MAGI1: variants seen among roughly 807,000 people sequenced by gnomAD.
MAGI1 encodes membrane-associated guanylate kinase, WW and PDZ domain-containing protein 1.
A neutral mutation model predicts 139.9 loss-of-function variants in MAGI1; 58 were observed. The observed-to-expected ratio is 0.41, with a 90% CI of 0.34 to 0.52. MAGI1 has a LOEUF of 0.52. MAGI1 is among the 20% of genes least tolerant of loss of function. The probability of loss-of-function intolerance (pLI) is 0.12; values close to 1 mark genes in which losing one functional copy is unlikely to be tolerated. For missense variants in MAGI1, 1,874 were observed against 1,901.6 expected, an observed-to-expected ratio of 0.99 and a Z score of 0.27; for synonymous variants, 812 against 737.9, an observed-to-expected ratio of 1.10 and a Z score of -1.63.
intron 2 of MAGI1, among the ~76,000 whole-genome samples, chr3:65,558,703 C>A (rs893636032): frequency 2.6e-5 from 4 of 151,934 alleles, no homozygotes; most frequent in African/African-American, 4.8e-5. Flanking sequence ...ACAAAAAAAA[C>A]CCTGCAGATT....
chr3:65,400,881 G>A (rs1944830829), intron 13 of MAGI1, among the ~76,000 whole-genome samples: 1 of 149,740 alleles, frequency 6.7e-6, no homozygotes, highest in Non-Finnish European at 1.5e-5. Context: ...TCTCAGTGCT[G>A]GGGCAGTGAA....
rs187776931 is a variant in MAGI1, at chr3:66,020,642, T to C, written c.313+17354A>G. 5.0e-3 allele frequency among the ~76,000 whole-genome samples: 760 copies of C among 152,308 alleles called. 7 individuals carry two copies. Among genetic ancestry groups the C allele is most frequent in the South Asian group, 0.014 (66 of 4,816 alleles). ...TCCATCCTTCTGAAATTCTAAGTTA[T>C]ATGCATCAGTTCATCTCCTTTGCTA... On this transcript the variant is annotated intron_variant, in intron 1 of 22. Coordinates refer to ENST00000402939, the MANE Select transcript of MAGI1 (RefSeq NM_001033057.2).
chr3:65,894,594 G>A (rs1220899309), intron 1 of MAGI1, among the ~76,000 whole-genome samples: 5 of 152,214 alleles, frequency 3.3e-5, no homozygotes. Flanking sequence ...GAGGATTCGT[G>A]TAAGAAAAGA....
intron 1 of MAGI1, among the ~76,000 whole-genome samples, chr3:65,722,149 A>T (rs534707420): frequency 2.0e-5 from 3 of 152,170 alleles, no homozygotes; most frequent in Non-Finnish European, 2.9e-5. Context: ...TTCGTGCAGC[A>T]GTCTTGAGAG....
At chr3:65,964,204 A>G (rs1424688341) in intron 1 of MAGI1, among the ~76,000 whole-genome samples, 1 of 152,128 alleles carries the variant, frequency 6.6e-6, no homozygotes, top group East Asian at 1.9e-4. Flanking sequence ...CTCTGCCCCC[A>G]GTAATTACCT....
rs142395802 is a variant in MAGI1, at chr3:65,541,341, T to C, written c.431-47710A>G. ...ATTCACAGCCAAATTCTAACAGAGG[T>C]ACAAAGAAGAGCTGATACCATTGCT... On this transcript the variant is annotated intron_variant, in intron 2 of 22. Transcript: ENST00000402939. 1.3e-3 allele frequency among the ~76,000 whole-genome samples: 193 copies of C among 151,978 alleles called. 1 individual carries two copies. The highest frequency in any genetic ancestry group is 4.6e-3 in the African/African-American group (189 of 41,426).
intron 12 of MAGI1, among the ~76,000 whole-genome samples, chr3:65,413,925 A>G (rs1342040100): frequency 1.3e-5 from 2 of 152,240 alleles, no homozygotes; most frequent in Admixed American, 6.5e-5. Flanking sequence ...GTAACAAAGC[A>G]TTGCATTTAT....
chr3:65,680,477 T>C (rs1021259089), intron 1 of MAGI1, among the ~76,000 whole-genome samples: 2 of 152,160 alleles, frequency 1.3e-5, no homozygotes, highest in Non-Finnish European at 2.9e-5. Flanking sequence ...GGAGCAGTGG[T>C]GCATCACAGC....
At chr3:65,511,579 G>C (rs2077594999) in intron 2 of MAGI1, among the ~76,000 whole-genome samples, 1 of 98,432 alleles carries the variant, frequency 1.0e-5, no homozygotes, top group Admixed American at 1.2e-4. Context: ...TAATGGTAAA[G>C]GGATCAATTC....
At chr3:65,467,734 A>T (rs1175560953) in intron 5 of MAGI1, among the ~76,000 whole-genome samples, 1 of 152,224 alleles carries the variant, frequency 6.6e-6, no homozygotes, top group Non-Finnish European at 1.5e-5. Context: ...AATTACTGGT[A>T]CATTCTTTTC....
chr3:66,022,504 C>G (rs142229658), intron 1 of MAGI1, among the ~76,000 whole-genome samples: 88 of 152,204 alleles, frequency 5.8e-4, no homozygotes, highest in Admixed American at 4.6e-3. Flanking sequence ...ATAAATGTGG[C>G]TCATAGATTC....
intron 2 of MAGI1, among the ~76,000 whole-genome samples, chr3:65,556,598 T>A (rs1162991230): frequency 2.0e-5 from 3 of 152,216 alleles, no homozygotes; most frequent in African/African-American, 7.2e-5. Flanking sequence ...ATTTTCCTCC[T>A]AAATATATTT....
intron 14 of MAGI1, among the ~76,000 whole-genome samples, chr3:65,388,834 ATTTTTTTTT>A (rs35579495): frequency 9.8e-5 from 9 of 91,910 alleles, no homozygotes; most frequent in Admixed American, 3.4e-4. Context: ...ACCATTCCGA[ATTTTTTTTT>A]TTTTTTTTTT....
chr3:65,965,579 TG>T (rs1322516610), intron 1 of MAGI1, among the ~76,000 whole-genome samples: 1 of 152,038 alleles, frequency 6.6e-6, no homozygotes, highest in Non-Finnish European at 1.5e-5. Flanking sequence ...AAAGGATTAA[TG>T]GAAGAGGAGG....
At chr3:65,807,773 T>C (rs2040959692) in intron 1 of MAGI1, among the ~76,000 whole-genome samples, 1 of 152,178 alleles carries the variant, frequency 6.6e-6, no homozygotes, top group East Asian at 1.9e-4. Flanking sequence ...ATTAATAACA[T>C]GTGCTTTAAA....
intron 1 of MAGI1, chr3:65,688,532 T>G (rs1371635344): frequency 2.4e-6 from 1 of 423,642 alleles, no homozygotes; most frequent in Non-Finnish European, 4.6e-6. Flanking sequence ...GTGCTACTGG[T>G]AGGTGCTACT....
intron 18 of MAGI1, among the ~76,000 whole-genome samples, chr3:65,368,222 G>A (rs1941626248): frequency 6.6e-6 from 1 of 152,160 alleles, no homozygotes; most frequent in Non-Finnish European, 1.5e-5. Flanking sequence ...TCCAGAAACA[G>A]TATTAGAAAG....
At chr3:65,643,744 T>C (rs1430491162) in intron 1 of MAGI1, among the ~76,000 whole-genome samples, 1 of 152,126 alleles carries the variant, frequency 6.6e-6, no homozygotes, top group Non-Finnish European at 1.5e-5. Context: ...TAAGGAAAAC[T>C]GTTACACAAT....
intron 2 of MAGI1, among the ~76,000 whole-genome samples, chr3:65,526,092 T>G (rs1357093242): frequency 6.6e-6 from 1 of 152,238 alleles, no homozygotes; most frequent in East Asian, 1.9e-4. Context: ...TATCATAATC[T>G]ACATCACCTA....
Sources: gnomAD v4.1 joint callset for allele counts (sites outside exome capture counted in the v4.1 genomes callset) on GRCh38, gnomAD v4.1.1 for gene constraint, MANE v1.5 for transcripts, NCBI Gene and HGNC (gene_info 2026-07-23, HGNC 2026-07-21) for gene names.